Variants in PHLPP2 observed in about 807,000 individuals in gnomAD.
The protein encoded by PHLPP2 is PH domain leucine-rich repeat-containing protein phosphatase 2.
A neutral mutation model predicts 124.9 loss-of-function variants in PHLPP2; 66 were observed. The observed-to-expected ratio is 0.53, with a 90% CI of 0.43 to 0.65. The LOEUF (loss-of-function observed/expected upper bound fraction) is 0.65, where lower values mean the gene tolerates loss of function less well. Among genes scored for constraint, PHLPP2 ranks in the 30% least tolerant of loss-of-function variants. The pLI is 0.00. For missense variants in PHLPP2, 1,685 were observed against 1,600.4 expected (o/e 1.05, Z -0.90); for synonymous variants, 681 against 624.7 (o/e 1.09, Z -1.34).
intron 1 of PHLPP2, among the ~76,000 whole-genome samples, chr16:71,717,257 AT>A (rs1479351636): frequency 3.9e-5 from 6 of 152,254 alleles, no homozygotes; most frequent in African/African-American, 1.4e-4. Context: ...TTTGAGGGTA[AT>A]ACATTTCTAA....
At chr16:71,682,384 T>C (rs572984796) in intron 5 of PHLPP2, among the ~76,000 whole-genome samples, 25 of 152,234 alleles carry the variant, frequency 1.6e-4, no homozygotes, top group African/African-American at 5.3e-4. Context: ...GGTTTCACCA[T>C]GTTGGCCAGG....
rs1465144776 is a variant in PHLPP2 at position 71,649,452 on chromosome 16, G to A, written c.3410C>T (p.Thr1137Ile). The A allele has an allele frequency of 6.2e-7, 1 of 1,614,052 alleles. No individual in the cohort carries two copies. The highest frequency in any genetic ancestry group is 2.2e-5 in the East Asian group (1 of 44,888). ...GTTGTCAGACTGGTTACTGGAGAAG[G>A]TAGCAGAAGAAGGCTGGCGCTGAAA... ...GLFQRQPSSATFSSNQSDNGL... is the reference protein window; with the variant it reads ...GLFQRQPSSAIFSSNQSDNGL... The change falls in exon 19 of 19, where the codon ACC becomes ATC. Residue 1137 changes from threonine (T) to isoleucine (I), a missense_variant. Coordinates refer to ENST00000568954, the MANE Select transcript of PHLPP2 (RefSeq NM_015020.3).
At chr16:71,660,222 A>G (rs1182687924) in intron 13 of PHLPP2, among the ~76,000 whole-genome samples, 1 of 151,756 alleles carries the variant, frequency 6.6e-6, no homozygotes, top group African/African-American at 2.4e-5. Flanking sequence ...AAATGGTATT[A>G]TAGGCCAGGT....
At chr16:71,658,164 C>T in intron 15 of PHLPP2, 69 bp downstream of exon 15, 1 of 1,376,634 alleles carries the variant, frequency 7.3e-7, no homozygotes, top group Non-Finnish European at 1.0e-6. Context: ...CTCCACAGTA[C>T]TAAGGAAGAC....
chr16:71,708,389 C>A (rs1357027612), intron 2 of PHLPP2, among the ~76,000 whole-genome samples: 1 of 152,160 alleles, frequency 6.6e-6, no homozygotes, highest in Non-Finnish European at 1.5e-5. Context: ...TAACCCCCAA[C>A]CCTGCCCGCA....
At chr16:71,654,204 GAAAAAAAAAAAAAA>G (rs765826548) in intron 17 of PHLPP2, among the ~76,000 whole-genome samples, 7 of 72,354 alleles carry the variant, frequency 9.7e-5, no homozygotes, top group African/African-American at 3.7e-4. Flanking sequence ...TCTCAAAAAA[GAAAAAAAAAAAAAA>G]AAAAAAAAAA....
rs575562787 is a variant in PHLPP2, at chr16:71,703,990, GAAAGAACATTT to G, written c.285-1270_285-1260del. Among the ~76,000 whole-genome samples, 3 of 152,258 alleles carry G rather than the reference GAAAGAACATTT, an allele frequency of 2.0e-5. No individual in the cohort carries two copies. The South Asian group carries it at 6.2e-4, about 32-fold the overall frequency. On this transcript the variant is annotated intron_variant, in intron 2 of 18. Coordinates refer to ENST00000568954, the MANE Select transcript of PHLPP2 (RefSeq NM_015020.3). ...AAGTCCGTATGTGTTCAAAAGGTCT[GAAAGAACATTT>G]AAAGAACCTGTTAAGAACCTGTTCA...
At position 71,679,526 on chromosome 16, in the gene PHLPP2, T is replaced by A; in HGVS notation, c.900A>T (p.Gln300His). ...GGLDTLYKFS[Q>H]LKGLNLSHNK... Reference sequence around the variant, plus strand: ...TATGGGACAAGTTCAGGCCCTTCAGTTGAGAAAATCTAAAGAGCAAAGGCA... The same window carrying A: ...TATGGGACAAGTTCAGGCCCTTCAGATGAGAAAATCTAAAGAGCAAAGGCA... Residue 300 changes from glutamine to histidine, a missense_variant, in exon 7 of 19, where the codon CAA becomes CAT. By Grantham distance (24) the Gln-to-His change is conservative (BLOSUM62 0). Coordinates refer to ENST00000568954, the MANE Select transcript of PHLPP2 (RefSeq NM_015020.3). 6.2e-7 allele frequency: 1 copy of A among 1,613,994 alleles called. No individual in the cohort carries two copies. Among genetic ancestry groups the A allele is most frequent in the Non-Finnish European group, 8.5e-7 (1 of 1,179,930 alleles).
intron 1 of PHLPP2, among the ~76,000 whole-genome samples, chr16:71,719,559 T>A (rs2045384460): frequency 6.6e-6 from 1 of 152,094 alleles, no homozygotes; most frequent in Admixed American, 6.5e-5. Flanking sequence ...TCTTTTTTAA[T>A]TTTTTTGGCA....
At chr16:71,716,526 T>C (rs1252582527) in intron 1 of PHLPP2, among the ~76,000 whole-genome samples, 1 of 152,244 alleles carries the variant, frequency 6.6e-6, no homozygotes, top group Admixed American at 6.5e-5. Flanking sequence ...CCTGCTCTAT[T>C]TTTATGATGG....
chr16:71,653,053 G>T, intron 17 of PHLPP2, 32 bp from the exon 18 acceptor site: 1 of 1,470,578 alleles, frequency 6.8e-7, no homozygotes. Flanking sequence ...AGAAGACGTG[G>T]TGGCTAGTTT....
At chr16:71,687,335 T>C (rs1434818469) in intron 4 of PHLPP2, among the ~76,000 whole-genome samples, 2 of 152,228 alleles carry the variant, frequency 1.3e-5, no homozygotes, top group African/African-American at 4.8e-5. Context: ...TAAACTTTCA[T>C]ATAAATGTCT....
rs1375439836 is a variant in PHLPP2 at position 71,646,076 on chromosome 16, C to G, written c.*2814G>C. 4 of 152,642 alleles carry G rather than the reference C, an allele frequency of 2.6e-5. No homozygotes were observed. Among genetic ancestry groups the G allele is most frequent in the African/African-American group, 9.6e-5 (4 of 41,452 alleles). 9.5% of individuals were successfully genotyped at this position (152,642 alleles called of 1,614,324 possible). A position where few individuals can be genotyped will look rare whatever the true frequency, so the allele number is the denominator to read the frequency against. ...AATCTCTGTCTGTGCTAGAGATCAACTGTACTCTGCCCACCTGGGGAACAC... is the reference window on the plus strand; with the variant it reads ...AATCTCTGTCTGTGCTAGAGATCAAGTGTACTCTGCCCACCTGGGGAACAC... On this transcript the variant is annotated 3_prime_UTR_variant, in exon 19 of 19. Transcript: ENST00000568954.
intron 3 of PHLPP2, among the ~76,000 whole-genome samples, chr16:71,693,158 A>AT (rs914589851): frequency 1.3e-5 from 2 of 152,130 alleles, no homozygotes; most frequent in African/African-American, 2.4e-5. Context: ...ATGGTGGCGT[A>AT]TGCCTGTAAT....
At chr16:71,692,797 T>C (rs1370900753) in intron 3 of PHLPP2, among the ~76,000 whole-genome samples, 1 of 150,232 alleles carries the variant, frequency 6.7e-6, no homozygotes, top group Non-Finnish European at 1.5e-5. Flanking sequence ...GTTAAGTAAA[T>C]AGTTGTTATG....
rs9302629 is a variant in PHLPP2, at chr16:71,677,453, CATATATATATATATATATATATATATAT to C, written c.1269-832_1269-805del. On this transcript the variant is annotated intron_variant, in intron 8 of 18. Transcript: ENST00000568954. ...TTAACAGACAAGGAAATAATCTGCA[CATATATATATATATATATATATATATAT>C]ATATATATATATGGAAGAGTTCAAA... 2.5e-4 allele frequency: 33 copies of C among 133,784 alleles called. 1 individual carries two copies. Among genetic ancestry groups the C allele is most frequent in the Non-Finnish European group, 4.3e-4 (27 of 63,476 alleles). The allele number at this position is 133,784 out of a possible 1,614,324, so 8.3% of individuals were successfully genotyped here. A position where few individuals can be genotyped will look rare whatever the true frequency, so the allele number is the denominator to read the frequency against.
chr16:71,669,660 G>A (rs1238309687), intron 10 of PHLPP2, among the ~76,000 whole-genome samples: 1 of 152,192 alleles, frequency 6.6e-6, no homozygotes, highest in African/African-American at 2.4e-5. Flanking sequence ...CACTTGTGGT[G>A]GGATGGGATG....
chr16:71,696,772 C>T (rs1465313585), intron 3 of PHLPP2, among the ~76,000 whole-genome samples: 1 of 152,050 alleles, frequency 6.6e-6, no homozygotes, highest in Non-Finnish European at 1.5e-5. Context: ...TCGTATATAT[C>T]CTGTATTAAC....
intron 4 of PHLPP2, among the ~76,000 whole-genome samples, chr16:71,690,155 A>G (rs2045095472): frequency 6.6e-6 from 1 of 152,136 alleles, no homozygotes; most frequent in Non-Finnish European, 1.5e-5. Flanking sequence ...CAGACTCTGA[A>G]TTTTAATTTA....
Sources: allele counts gnomAD v4.1 joint callset (sites outside exome capture counted in the v4.1 genomes callset), GRCh38; gene constraint gnomAD v4.1.1; transcripts MANE v1.5; gene names NCBI Gene and HGNC (gene_info 2026-07-23, HGNC 2026-07-21).